The following UNC5C variants were observed in gnomAD, a reference collection of about 807,000 sequenced individuals.
UNC5C encodes the protein netrin receptor UNC5C.
Under a neutral mutation model 99.8 loss-of-function variants are expected in UNC5C, and 47 were observed. That is an observed-to-expected ratio of 0.47 (90% confidence interval 0.37 to 0.60). UNC5C has a LOEUF of 0.60. Ranked by LOEUF, UNC5C falls within the 20% of genes least tolerant of loss-of-function variation. The pLI, the probability that UNC5C is intolerant of heterozygous loss-of-function variation, is 0.00. For synonymous variants in UNC5C, 487 were observed against 452.2 expected (o/e 1.08, Z -0.98); for missense variants, 1,062 against 1,165.9 (o/e 0.91, Z 1.30).
intron 1 of UNC5C, among the ~76,000 whole-genome samples, chr4:95,427,542 C>G (rs1267927759): frequency 6.6e-6 from 1 of 152,158 alleles, no homozygotes; most frequent in Non-Finnish European, 1.5e-5. Flanking sequence ...CAGTAGCCAT[C>G]AACATCAAGG....
chr4:95,289,244 G>A (rs1233188485), intron 3 of UNC5C, among the ~76,000 whole-genome samples: 1 of 152,218 alleles, frequency 6.6e-6, no homozygotes, highest in Non-Finnish European at 1.5e-5. Flanking sequence ...AGTGTTCACA[G>A]AGTTGATGGT....
intron 2 of UNC5C, among the ~76,000 whole-genome samples, chr4:95,303,004 C>T (rs781419334): frequency 2.0e-5 from 3 of 152,012 alleles, no homozygotes; most frequent in African/African-American, 7.3e-5. Context: ...TATGAGTTAG[C>T]TTGGTTCAAT....
intron 2 of UNC5C, among the ~76,000 whole-genome samples, chr4:95,328,063 T>TTTTTTTTTTTTTTTTTTTTTTA (rs1560788166): frequency 2.9e-5 from 1 of 34,386 alleles, no homozygotes; most frequent in African/African-American, 1.1e-4. Context: ...TTTTTTTTAA[T>TTTTTTTTTTTTTTTTTTTTTTA]TTTTTTTTTT....
chr4:95,323,209 A>C (rs182942479), intron 2 of UNC5C, among the ~76,000 whole-genome samples: 1 of 152,304 alleles, frequency 6.6e-6, no homozygotes, highest in African/African-American at 2.4e-5. Context: ...TTCATTCAAA[A>C]TGTATTTGTT....
intron 1 of UNC5C, among the ~76,000 whole-genome samples, chr4:95,504,455 G>T (rs1385673): frequency 0.065 from 9,935 of 152,124 alleles, 756 homozygotes; most frequent in African/African-American, 0.18. Context: ...ACATATATAT[G>T]TGTTATATGA....
intron 4 of UNC5C, among the ~76,000 whole-genome samples, chr4:95,277,169 T>C (rs180673286): frequency 6.6e-6 from 1 of 152,334 alleles, no homozygotes; most frequent in East Asian, 1.9e-4. Flanking sequence ...TATTTTTCCG[T>C]TTCAGAGATA....
Position 95,390,357 on chromosome 4 carries a change from T to C in UNC5C, c.125-54726A>G, listed in dbSNP as rs529979997. On this transcript the variant is annotated intron_variant, in intron 1 of 15. Transcript: ENST00000453304. ...AGAGGAGGATGCAACTGAAGAAATCTCTACAGCATTTTCATTCTTGGCTTC... is the reference window on the plus strand; with the variant it reads ...AGAGGAGGATGCAACTGAAGAAATCCCTACAGCATTTTCATTCTTGGCTTC... Among the ~76,000 whole-genome samples the C allele has an allele frequency of 4.0e-5, 6 of 149,866 alleles. No homozygotes were observed. The East Asian group carries it at 1.2e-3, about 30-fold the overall frequency.
At chr4:95,303,546 C>T (rs1741951618) in intron 2 of UNC5C, among the ~76,000 whole-genome samples, 2 of 152,138 alleles carry the variant, frequency 1.3e-5, no homozygotes, top group African/African-American at 4.8e-5. Flanking sequence ...CATGGTGGCG[C>T]ACGCCTGTAA....
intron 3 of UNC5C, 105 bp from the exon 4 acceptor site, chr4:95,278,467 T>C: frequency 1.2e-6 from 1 of 836,650 alleles, no homozygotes; most frequent in South Asian, 1.6e-5. Context: ...TGTGCTTTTT[T>C]TTCTTTCTTT....
intron 13 of UNC5C, among the ~76,000 whole-genome samples, chr4:95,184,028 AAG>A (rs1369697756): frequency 5.3e-5 from 8 of 152,230 alleles, no homozygotes; most frequent in Non-Finnish European, 8.8e-5. Flanking sequence ...AATTGTATAA[AAG>A]AAATTACTCC....
At chr4:95,254,940 T>C (rs1016751044) in intron 4 of UNC5C, among the ~76,000 whole-genome samples, 4 of 152,118 alleles carry the variant, frequency 2.6e-5, no homozygotes, top group Admixed American at 6.6e-5. Flanking sequence ...CCTTTGTCAC[T>C]TCAAGATATT....
chr4:95,462,411 T>C (rs1310853113), intron 1 of UNC5C, among the ~76,000 whole-genome samples: 1 of 152,090 alleles, frequency 6.6e-6, no homozygotes. Context: ...CGGGTAAAAA[T>C]TATAAATAAG....
intron 1 of UNC5C, among the ~76,000 whole-genome samples, chr4:95,484,039 A>T (rs1348772670): frequency 6.6e-6 from 1 of 151,792 alleles, no homozygotes; most frequent in Non-Finnish European, 1.5e-5. Flanking sequence ...GTAGGAAGAG[A>T]CAAACAATCA....
intron 1 of UNC5C, among the ~76,000 whole-genome samples, chr4:95,349,439 T>C (rs2149428379): frequency 6.8e-6 from 1 of 147,556 alleles, no homozygotes; most frequent in East Asian, 2.2e-4. Flanking sequence ...TAGAAGCTGA[T>C]GCACACAAAC....
chr4:95,269,072 ATTTG>A (rs1740561665), intron 4 of UNC5C, among the ~76,000 whole-genome samples: 1 of 152,140 alleles, frequency 6.6e-6, no homozygotes, highest in South Asian at 2.1e-4. Context: ...GTTTTTGTGT[ATTTG>A]TTTGTTTTAA....
chr4:95,484,306 T>C (rs766672864), intron 1 of UNC5C, among the ~76,000 whole-genome samples: 3 of 151,856 alleles, frequency 2.0e-5, no homozygotes, highest in East Asian at 3.9e-4. Flanking sequence ...AAAATGACCA[T>C]TTTTGGCTGC....
intron 1 of UNC5C, among the ~76,000 whole-genome samples, chr4:95,361,870 G>A (rs1429881706): frequency 6.6e-6 from 1 of 151,950 alleles, no homozygotes; most frequent in Non-Finnish European, 1.5e-5. Context: ...TGATTCTAAT[G>A]ATCAATCAAC....
chr4:95,443,943 A>G (rs1018399451), intron 1 of UNC5C, among the ~76,000 whole-genome samples: 4 of 152,218 alleles, frequency 2.6e-5, no homozygotes, highest in African/African-American at 9.6e-5. Flanking sequence ...TTTTATATAC[A>G]TAAACATATA....
intron 1 of UNC5C, among the ~76,000 whole-genome samples, chr4:95,418,125 T>C (rs953845649): frequency 1.3e-5 from 2 of 152,356 alleles, no homozygotes; most frequent in African/African-American, 4.8e-5. Flanking sequence ...GGGTTGCTTC[T>C]TCCAAATTCA....
Sources: allele counts gnomAD v4.1 joint callset (sites outside exome capture counted in the v4.1 genomes callset), GRCh38; gene constraint gnomAD v4.1.1; transcripts MANE v1.5; gene names NCBI Gene and HGNC (gene_info 2026-07-23, HGNC 2026-07-21).